The following OSGIN1 variants were observed in gnomAD, a reference collection of about 807,000 sequenced individuals.
OSGIN1 encodes oxidative stress induced growth inhibitor 1.
In OSGIN1, 19 loss-of-function variants were observed where a neutral mutation model predicts 20.1. That is an observed-to-expected ratio of 0.95 (90% CI 0.66 to 1.39). The LOEUF (loss-of-function observed/expected upper bound fraction) is 1.39. OSGIN1 is among the 40% of genes most tolerant of loss of function. The probability of loss-of-function intolerance (pLI) is 0.00; values close to 1 mark genes in which losing one functional copy is unlikely to be tolerated. For missense variants in OSGIN1, 820 were observed against 653.0 expected (o/e 1.26, Z -2.79); for synonymous variants, 368 against 297.8 (o/e 1.24, Z -2.43).
At position 83,965,070 on chromosome 16, in the gene OSGIN1, G is replaced by T. The variant is rs371265166; in HGVS notation, c.497G>T (p.Arg166Leu). 1 of 1,591,412 alleles carries T rather than the reference G, an allele frequency of 6.3e-7. No individual in the cohort carries two copies. Residue 166 changes from arginine (R) to leucine (L), a missense_variant, in exon 6 of 6, where the codon CGC (arginine) becomes CTC (leucine). Arg to Leu is a moderately radical substitution (Grantham distance 102). Coordinates refer to ENST00000393306, the MANE Select transcript of OSGIN1 (RefSeq NM_182981.3). The part of the protein sequence containing the change: ...DWMQKKRRGL[R>L]NSRATAGDIA... Reference sequence around the variant, plus strand: ...TGCATCCTCCCCAACAGAGGTCTTCGCAACAGCCGGGCCACTGCCGGGGAC... The same window carrying T: ...TGCATCCTCCCCAACAGAGGTCTTCTCAACAGCCGGGCCACTGCCGGGGAC...
chr16:83,965,181 G>A lies in OSGIN1; in HGVS notation c.608G>A (p.Trp203Ter). 1 of 1,613,324 alleles carries A rather than the reference G, an allele frequency of 6.2e-7. No individual in the cohort carries two copies. Among genetic ancestry groups the A allele is most frequent in the Non-Finnish European group, 8.5e-7 (1 of 1,179,984 alleles). ...VSGAVVTAVE[W>*]GTPDPSSCGA... ...GGTGCTGTAGTCACAGCCGTGGAGT[G>A]GGGGACCCCCGATCCCAGCAGCTGT... The change falls in exon 6 of 6, where the codon TGG becomes TAG. Residue 203 changes from tryptophan (W) to a stop codon, truncating the protein, a stop_gained. Coordinates refer to ENST00000393306, the MANE Select transcript of OSGIN1 (RefSeq NM_182981.3). LOFTEE classifies it low-confidence loss of function (END_TRUNC).
intron 2 of OSGIN1, 49 bp from the exon 3 acceptor site, chr16:83,959,211 C>T (rs748316577): frequency 5.7e-6 from 8 of 1,398,176 alleles, no homozygotes; most frequent in Non-Finnish European, 7.1e-6. Flanking sequence ...ACAGTAGTGT[C>T]CCCCACCTGA....
chr16:83,964,252 T>A (rs1185740451), intron 5 of OSGIN1, among the ~76,000 whole-genome samples: 1 of 152,112 alleles, frequency 6.6e-6, no homozygotes, highest in Admixed American at 6.6e-5. Flanking sequence ...TGCAGCGAGC[T>A]GAGATCACAC....
In OSGIN1 at chr16:83,960,741, TC is replaced by T. The variant is rs35942653; in HGVS notation, c.381del (p.Gly129GlufsTer11). On this transcript the variant is annotated frameshift_variant, in exon 4 of 6. Transcript: ENST00000393306. LOFTEE classifies it high-confidence loss of function. ...AIPHVVLGRN[L>X]PGGAWHSIEG... ...CCCCACGTGGTTCTGGGCCGGAACCTCCCCGGGGGAGCCTGGCACGTGAGTG... is the reference window on the plus strand; with the variant it reads ...CCCCACGTGGTTCTGGGCCGGAACCTCCCGGGGGAGCCTGGCACGTGAGTG... 6.2e-7 allele frequency: 1 copy of T among 1,613,116 alleles called. No homozygotes were observed. The highest frequency in any genetic ancestry group is 1.1e-5 in the South Asian group (1 of 91,064).
intron 5 of OSGIN1, among the ~76,000 whole-genome samples, chr16:83,963,715 C>A (rs1381047023): frequency 6.6e-6 from 1 of 152,056 alleles, no homozygotes; most frequent in Non-Finnish European, 1.5e-5. Flanking sequence ...TACATGTAGC[C>A]GGACGGCAGG....
Position 83,953,285 on chromosome 16 carries a change from G to T in OSGIN1, c.-118G>T. ...AGGGTAATGGGTGTCCCGATCTCGC[G>T]GGGGACTCTGTGATCCGTGTTCCCC... On this transcript the variant is annotated 5_prime_UTR_variant, in exon 1 of 6. Transcript: ENST00000393306. 5 of 1,288,572 alleles carry T rather than the reference G, an allele frequency of 3.9e-6. No individual in the cohort carries two copies. Among genetic ancestry groups the T allele is most frequent in the Non-Finnish European group, 5.1e-6 (5 of 988,304 alleles). 79.8% of individuals were successfully genotyped at this position (1,288,572 alleles called of 1,614,324 possible). A position where few individuals can be genotyped will look rare whatever the true frequency, so the allele number is the denominator to read the frequency against.
At chr16:83,960,789 T>TG (rs1311171800) in intron 4 of OSGIN1, 29 bp downstream of exon 4, 2 of 1,605,648 alleles carry the variant, frequency 1.2e-6, no homozygotes, top group Non-Finnish European at 1.7e-6. Context: ...GCATGGCTTG[T>TG]GGGGGGCTCT....
At position 83,965,609 on chromosome 16, in the gene OSGIN1, G is replaced by T. The variant is rs1256829676; in HGVS notation, c.1036G>T (p.Glu346Ter). ...EYHKVHQMMR[E>*]QSILSPSPYE... Reference sequence around the variant, plus strand: ...CCACAAGGTGCACCAGATGATGCGGGAGCAGTCCATCCTGTCGCCCAGCCC... The same window carrying T: ...CCACAAGGTGCACCAGATGATGCGGTAGCAGTCCATCCTGTCGCCCAGCCC... Residue 346 changes from glutamate to a stop codon, truncating the protein, a stop_gained, in exon 6 of 6, where the codon GAG (glutamate) becomes TAG (stop). Transcript: ENST00000393306. LOFTEE classifies it low-confidence loss of function (END_TRUNC). 1 of 1,613,106 alleles carries T rather than the reference G, an allele frequency of 6.2e-7. No homozygotes were observed. Among genetic ancestry groups the T allele is most frequent in the Non-Finnish European group, 8.5e-7 (1 of 1,180,026 alleles).
chr16:83,959,320 A>G lies in OSGIN1; in HGVS notation c.128A>G (p.Lys43Arg). 1 of 1,613,782 alleles carries G rather than the reference A, an allele frequency of 6.2e-7. No homozygotes were observed. ...CTCTCCGGCTACACACCCTACACGAAGCCAGATGCCATCCACCCACACCCC... is the reference window on the plus strand; with the variant it reads ...CTCTCCGGCTACACACCCTACACGAGGCCAGATGCCATCCACCCACACCCC... The part of the protein sequence containing the change: ...YLLSGYTPYT[K>R]PDAIHPHPLL... Residue 43 changes from lysine to arginine, a missense_variant, in exon 3 of 6, where the codon AAG becomes AGG. Transcript: ENST00000393306.
intron 1 of OSGIN1, among the ~76,000 whole-genome samples, chr16:83,955,161 G>A (rs1567654105): frequency 6.6e-6 from 1 of 152,160 alleles, no homozygotes; most frequent in Non-Finnish European, 1.5e-5. Flanking sequence ...CTGTTCCCGG[G>A]GACCATGATG....
At chr16:83,962,974 G>A (rs1203104075) in intron 5 of OSGIN1, among the ~76,000 whole-genome samples, 1 of 152,164 alleles carries the variant, frequency 6.6e-6, no homozygotes, top group Non-Finnish European at 1.5e-5. Flanking sequence ...GAATAAAGGA[G>A]TTCTAGTCCC....
chr16:83,962,120 A>T (rs1597182017), intron 5 of OSGIN1, among the ~76,000 whole-genome samples: 1 of 149,670 alleles, frequency 6.7e-6, no homozygotes, highest in Middle Eastern at 3.5e-3. Context: ...ACGCCCTTTC[A>T]CTCCTGGGGT....
rs767041199 is a variant in OSGIN1, at chr16:83,965,491, C to G, written c.918C>G (p.His306Gln). The stretch of plus-strand genomic sequence containing the variant: ...CCGACGCGGTCCTCTACGCCCGCCA[C>G]TACAACATCCCGGTGATCCATGCCT... ...SAADAVLYAR[H>Q]YNIPVIHAFR... Residue 306 changes from histidine to glutamine, a missense_variant, in exon 6 of 6, where the codon CAC (histidine) becomes CAG (glutamine). Coordinates refer to ENST00000393306, the MANE Select transcript of OSGIN1 (RefSeq NM_182981.3). 3 of 1,611,150 alleles carry G rather than the reference C, an allele frequency of 1.9e-6. No individual in the cohort carries two copies. Among genetic ancestry groups the G allele is most frequent in the Non-Finnish European group, 1.7e-6 (2 of 1,179,926 alleles).
At chr16:83,956,742 C>T (rs1046769577) in intron 1 of OSGIN1, among the ~76,000 whole-genome samples, 3 of 152,250 alleles carry the variant, frequency 2.0e-5, no homozygotes, top group African/African-American at 7.2e-5. Context: ...GTGCCAAATG[C>T]TCATCATCCC....
At chr16:83,961,166 A>G (rs1359125903) in intron 5 of OSGIN1, 94 bp downstream of exon 5, 11 of 1,059,416 alleles carry the variant, frequency 1.0e-5, no homozygotes, top group Non-Finnish European at 1.6e-5. Flanking sequence ...TAGAAAGTTT[A>G]TTTTTCCAAG....
At chr16:83,960,252 G>A (rs1430816836) in intron 3 of OSGIN1, among the ~76,000 whole-genome samples, 2 of 152,192 alleles carry the variant, frequency 1.3e-5, no homozygotes, top group African/African-American at 4.8e-5. Flanking sequence ...ATGCCCGTCT[G>A]TGTTATCTGC....
At chr16:83,957,885 T>TTATTTATG (rs1161681328) in intron 2 of OSGIN1, 147 bp downstream of exon 2, 2 of 372,450 alleles carry the variant, frequency 5.4e-6, no homozygotes, top group African/African-American at 4.3e-5. Flanking sequence ...ATTTATTTAT[T>TTATTTATG]TATTTATTTG....
At chr16:83,954,664 A>C in intron 1 of OSGIN1, 1 of 662,870 alleles carries the variant, frequency 1.5e-6, no homozygotes, top group Non-Finnish European at 1.9e-6. Context: ...CTGGGTGGTG[A>C]CCTCATGTAT....
Position 83,957,746 on chromosome 16 carries a change from T to C in OSGIN1, c.67+8T>C. ...TCCCGGTCATCATTGTGGGTGAGTG[T>C]CAGGCCCCAGCCAGGGAGGGGCTCC... On this transcript the variant is annotated splice_region_variant and intron_variant, in intron 2 of 5. Transcript: ENST00000393306. The C allele has an allele frequency of 1.3e-6, 2 of 1,553,342 alleles. No individual in the cohort carries two copies. The highest frequency in any genetic ancestry group is 1.4e-5 in the African/African-American group (1 of 73,248).
Sources: allele counts gnomAD v4.1 joint callset (sites outside exome capture counted in the v4.1 genomes callset), GRCh38; gene constraint gnomAD v4.1.1; transcripts MANE v1.5; gene names NCBI Gene and HGNC (gene_info 2026-07-23, HGNC 2026-07-21).